The following ASPRV1 variants were observed in gnomAD, a reference collection of about 807,000 sequenced individuals.
ASPRV1 encodes retroviral-like aspartic protease 1.
In ASPRV1, 7 loss-of-function variants were observed where a neutral mutation model predicts 11.0. That is an observed-to-expected ratio of 0.64 (90% confidence interval 0.36 to 1.20). The LOEUF is 1.20. Among genes scored for constraint, ASPRV1 ranks in the 50% most tolerant of loss-of-function variants. The pLI, the probability that ASPRV1 is intolerant of heterozygous loss-of-function variation, is 0.02. For missense variants in ASPRV1, 299 were observed against 320.0 expected, an observed-to-expected ratio of 0.93 and a Z score of 0.50; for synonymous variants, 136 against 138.4, an observed-to-expected ratio of 0.98 and a Z score of 0.12.
the ASPRV1 span, chr2:70,000,495 A>G: frequency 6.6e-6 from 1 of 151,996 alleles, no homozygotes; most frequent in Non-Finnish European, 1.5e-5. Flanking sequence ...ATATCAATAG[A>G]AAACAGAAAA....
At chr2:69,947,062 C>G in the ASPRV1 span, among the ~76,000 whole-genome samples, 1 of 152,184 alleles carries the variant, frequency 6.6e-6, no homozygotes, top group Non-Finnish European at 1.5e-5. Flanking sequence ...TCAGAACAAC[C>G]GTAGGTAGAG....
chr2:69,949,298 C>G, the ASPRV1 span, among the ~76,000 whole-genome samples: 2 of 151,218 alleles, frequency 1.3e-5, no homozygotes, highest in African/African-American at 2.4e-5. Context: ...AACGAATGAA[C>G]GAACGAATTA....
chr2:70,025,198 ATG>A, the ASPRV1 span, among the ~76,000 whole-genome samples: 36 of 152,314 alleles, frequency 2.4e-4, no homozygotes, highest in African/African-American at 8.7e-4. Context: ...ATGCATGTGA[ATG>A]TGTGTGTGTT....
the ASPRV1 span, among the ~76,000 whole-genome samples, chr2:69,947,983 G>A: frequency 6.6e-6 from 1 of 152,068 alleles, no homozygotes; most frequent in African/African-American, 2.4e-5. Context: ...TCGTTGGATT[G>A]CAAGTAAATG....
At chr2:70,038,844 C>A in the ASPRV1 span, among the ~76,000 whole-genome samples, 1 of 152,172 alleles carries the variant, frequency 6.6e-6, no homozygotes, top group Middle Eastern at 3.4e-3. Context: ...TTTGGGAAGC[C>A]GAGGTGGGCG....
the ASPRV1 span, among the ~76,000 whole-genome samples, chr2:69,944,923 T>C: frequency 6.8e-3 from 1,030 of 152,218 alleles, 9 homozygotes; most frequent in African/African-American, 0.024. Context: ...ACATCACTTA[T>C]TTATTCAACC....
chr2:70,035,612 TTC>T, the ASPRV1 span, among the ~76,000 whole-genome samples: 4 of 151,080 alleles, frequency 2.6e-5, no homozygotes, highest in East Asian at 5.8e-4. Context: ...GCAAGAAAAT[TTC>T]TGTTAACACT....
At chr2:69,998,460 T>C in the ASPRV1 span, among the ~76,000 whole-genome samples, 3 of 151,988 alleles carry the variant, frequency 2.0e-5, no homozygotes, top group African/African-American at 4.8e-5. Context: ...TTCTTTCTGG[T>C]GCCGGGCGCA....
chr2:69,980,110 C>T, the ASPRV1 span, among the ~76,000 whole-genome samples: 20 of 152,310 alleles, frequency 1.3e-4, no homozygotes, highest in Admixed American at 5.9e-4. Context: ...ACAGGGAGCA[C>T]GTGGGCAGCC....
At chr2:70,002,416 T>C in the ASPRV1 span, among the ~76,000 whole-genome samples, 2 of 152,202 alleles carry the variant, frequency 1.3e-5, no homozygotes, top group Admixed American at 6.5e-5. Context: ...GCAAACAGCC[T>C]AAGAAAGAAT....
At chr2:70,035,288 A>T in the ASPRV1 span, among the ~76,000 whole-genome samples, 1 of 152,192 alleles carries the variant, frequency 6.6e-6, no homozygotes, top group African/African-American at 2.4e-5. Flanking sequence ...CTCAAGTGAT[A>T]CCAGCTTACC....
chr2:69,945,286 C>A, the ASPRV1 span, among the ~76,000 whole-genome samples: 1 of 152,130 alleles, frequency 6.6e-6, no homozygotes, highest in Non-Finnish European at 1.5e-5. Context: ...GCACATGCAC[C>A]CCCTGAATCT....
chr2:69,970,812 C>T, the ASPRV1 span: 7 of 152,364 alleles, frequency 4.6e-5, no homozygotes, highest in Admixed American at 6.5e-5. Context: ...GCTTCTGCCT[C>T]GATGGCTTTG....
downstream of ASPRV1, among the ~76,000 whole-genome samples, chr2:69,959,451 CAG>C (rs1347504489): frequency 6.6e-6 from 1 of 152,090 alleles, no homozygotes; most frequent in Non-Finnish European, 1.5e-5. Context: ...GAAAAAGAAA[CAG>C]AAATTTGGAA....
the ASPRV1 span, among the ~76,000 whole-genome samples, chr2:70,023,770 T>C: frequency 6.6e-6 from 1 of 152,212 alleles, no homozygotes; most frequent in African/African-American, 2.4e-5. Flanking sequence ...TCCTTTTTTC[T>C]ATTATTTTGG....
chr2:70,074,633 T>C, the ASPRV1 span, among the ~76,000 whole-genome samples: 11 of 151,962 alleles, frequency 7.2e-5, no homozygotes, highest in South Asian at 1.2e-3. Context: ...AAGTCCTAAA[T>C]ATGGCAAGTT....
At chr2:70,063,566 T>C in the ASPRV1 span, among the ~76,000 whole-genome samples, 3 of 152,292 alleles carry the variant, frequency 2.0e-5, no homozygotes, top group Admixed American at 6.5e-5. Context: ...ACTGCAGGCT[T>C]CTGTACATGC....
the ASPRV1 span, among the ~76,000 whole-genome samples, chr2:69,971,539 T>G: frequency 6.6e-6 from 1 of 152,176 alleles, no homozygotes; most frequent in Non-Finnish European, 1.5e-5. Flanking sequence ...CTTTACTATT[T>G]AAAAACACAA....
At chr2:70,068,000 A>G in the ASPRV1 span, among the ~76,000 whole-genome samples, 841 of 152,332 alleles carry the variant, frequency 5.5e-3, 7 homozygotes, top group Middle Eastern at 0.02. Context: ...AGGTTCACGT[A>G]TTCTGGCTTC....
Sources: allele counts gnomAD v4.1 joint callset (sites outside exome capture counted in the v4.1 genomes callset), GRCh38; gene constraint gnomAD v4.1.1; transcripts MANE v1.5; gene names NCBI Gene and HGNC (gene_info 2026-07-23, HGNC 2026-07-21).